Variants in GPR143 observed in about 807,000 individuals in gnomAD.
The protein encoded by GPR143 is G protein-coupled receptor 143, also known as G-protein coupled receptor 143.
A neutral mutation model predicts 27.6 loss-of-function variants in GPR143; 8 were observed. That is an observed-to-expected ratio of 0.29 (90% CI 0.17 to 0.52). GPR143 has a LOEUF of 0.52. GPR143 is among the 20% of genes least tolerant of loss of function. The probability of loss-of-function intolerance (pLI) is 0.96; values close to 1 mark genes in which losing one functional copy is unlikely to be tolerated. For synonymous variants in GPR143, 156 were observed against 153.2 expected, an observed-to-expected ratio of 1.02 and a Z score of -0.13; for missense variants, 303 against 343.1, an observed-to-expected ratio of 0.88 and a Z score of 0.92.
intron 1 of GPR143, among the ~76,000 whole-genome samples, chrX:9,762,314 T>G (rs1294831466): frequency 9.3e-6 from 1 of 107,253 alleles, no homozygotes; most frequent in Non-Finnish European, 1.9e-5. Context: ...CGCTTGAACC[T>G]GGGAGGTGGA....
chrX:9,776,301 T>G (rs1047786986), intron 1 of GPR143, among the ~76,000 whole-genome samples: 3 of 112,552 alleles, frequency 2.7e-5, no homozygotes, highest in Non-Finnish European at 5.6e-5. Context: ...CCTTTACCCC[T>G]AAGTCCTCGG....
At chrX:9,773,348 C>T (rs2083560662) in intron 1 of GPR143, among the ~76,000 whole-genome samples, 1 of 111,259 alleles carries the variant, frequency 9.0e-6, no homozygotes, top group Non-Finnish European at 1.9e-5. Context: ...TTTCCAACAT[C>T]CACAAAAGGA....
chrX:9,738,829 G>T (rs1002851402), intron 8 of GPR143, among the ~76,000 whole-genome samples: 2 of 111,878 alleles, frequency 1.8e-5, no homozygotes, highest in Admixed American at 1.9e-4. Flanking sequence ...CACCATGTTG[G>T]TCAGGCTGGT....
intron 3 of GPR143, among the ~76,000 whole-genome samples, chrX:9,749,373 T>C (rs1331119515): frequency 9.0e-6 from 1 of 111,062 alleles, no homozygotes; most frequent in Non-Finnish European, 1.9e-5. Flanking sequence ...CTCTTTCCTT[T>C]ATCAATTAGT....
chrX:9,764,504 GCACACACACACACA>G lies in GPR143; in HGVS notation c.250+1050_250+1063del, dbSNP rs201690882. On this transcript the variant is annotated intron_variant, in intron 1 of 8. Transcript: ENST00000467482. The stretch of plus-strand genomic sequence containing the variant: ...ACAATAGAAAAGAATTTACACACGC[GCACACACACACACA>G]CACACACACACACACACACACACAC... Among the ~76,000 whole-genome samples, 620 of 98,832 alleles carry G rather than the reference GCACACACACACACA, an allele frequency of 6.3e-3. 3 individuals carry two copies. The highest frequency in any genetic ancestry group is 0.016 in the African/African-American group (433 of 26,374). The allele number at this position is 98,832 out of a possible 115,157, so 85.8% of individuals were successfully genotyped here.
At chrX:9,756,281 C>A (rs776797701) in intron 3 of GPR143, among the ~76,000 whole-genome samples, 1 of 112,189 alleles carries the variant, frequency 8.9e-6, no homozygotes, top group South Asian at 3.7e-4. Flanking sequence ...TTTAAGCATT[C>A]AAACCATAAG....
At chrX:9,754,963 A>T (rs1171005661) in intron 3 of GPR143, among the ~76,000 whole-genome samples, 1 of 111,880 alleles carries the variant, frequency 8.9e-6, no homozygotes, top group Non-Finnish European at 1.9e-5. Flanking sequence ...CATGCCAATC[A>T]TGAGAGCTGC....
At position 9,765,802 on chromosome X, in the gene GPR143, G is replaced by T; in HGVS notation, c.16C>A (p.Leu6Ile). The T allele has an allele frequency of 8.9e-7, 1 of 1,117,780 alleles. No individual in the cohort carries two copies. Among genetic ancestry groups the T allele is most frequent in the Non-Finnish European group, 1.2e-6 (1 of 853,124 alleles). The allele number at this position is 1,117,780 out of a possible 1,213,427, so 92.1% of individuals were successfully genotyped here. ...CGCGTGGGGCAGCAGAAGGTCCCTA[G>T]GCGCGGGGAGGCCATGGGCTGTGTT... MASPRLGTFCCPTRDA... is the reference protein window; with the variant it reads MASPRIGTFCCPTRDA... The change falls in exon 1 of 9, where the codon CTA becomes ATA. Residue 6 changes from leucine (L) to isoleucine (I), a missense_variant. By Grantham distance (5) the Leu-to-Ile change is conservative. Coordinates refer to ENST00000467482, the MANE Select transcript of GPR143 (RefSeq NM_000273.3).
chrX:9,755,912 C>A (rs781286907), intron 3 of GPR143, among the ~76,000 whole-genome samples: 6 of 111,706 alleles, frequency 5.4e-5, no homozygotes, highest in Admixed American at 9.6e-5. Context: ...GACTATCTTC[C>A]CTGGAGAATT....
At chrX:9,752,029 C>T (rs2083453310) in intron 3 of GPR143, among the ~76,000 whole-genome samples, 1 of 112,559 alleles carries the variant, frequency 8.9e-6, no homozygotes, top group Admixed American at 9.4e-5. Context: ...TGAAGTCAGG[C>T]TCGTAGCTGT....
intron 8 of GPR143, among the ~76,000 whole-genome samples, chrX:9,729,082 G>A (rs1227399830): frequency 9.0e-6 from 1 of 111,003 alleles, no homozygotes; most frequent in Non-Finnish European, 1.9e-5. Context: ...GAGAGTCTGG[G>A]TAGCCGACAA....
chrX:9,741,504 C>G, intron 6 of GPR143, 49 bp from the exon 7 acceptor site: 1 of 619,430 alleles, frequency 1.6e-6, no homozygotes, highest in Non-Finnish European at 2.8e-6. Context: ...CAATGAAACT[C>G]GTTTTTAAAT....
At chrX:9,755,490 T>TAAA (rs34266967) in intron 3 of GPR143, among the ~76,000 whole-genome samples, 2 of 75,033 alleles carry the variant, frequency 2.7e-5, no homozygotes, top group Non-Finnish European at 2.7e-5. Flanking sequence ...AAACTCCATC[T>TAAA]AAAAAAAAAA....
chrX:9,776,710 T>C (rs1032080607), intron 1 of GPR143, among the ~76,000 whole-genome samples: 2 of 106,951 alleles, frequency 1.9e-5, no homozygotes, highest in Admixed American at 1.0e-4. Flanking sequence ...CATTACTTAA[T>C]TTTATTTTAT....
At chrX:9,778,133 C>T (rs758461543) in intron 1 of GPR143, among the ~76,000 whole-genome samples, 81 of 111,597 alleles carry the variant, frequency 7.3e-4, no homozygotes, top group African/African-American at 2.1e-3. Flanking sequence ...ATGAAGCAAG[C>T]GGCTTACAAG....
intron 8 of GPR143, 43 bp from the exon 9 acceptor site, chrX:9,725,883 G>C: frequency 8.6e-7 from 1 of 1,167,424 alleles, no homozygotes; most frequent in Non-Finnish European, 1.1e-6. Flanking sequence ...CTGTGTCCTA[G>C]CAGGTTTGTC....
Position 9,739,904 on chromosome X carries a change from T to C in GPR143, c.886-185A>G, listed in dbSNP as rs182953696. ...GGGTTGGTTTGGGGCAAGATGAAGA[T>C]TGGCCACAGTAGGTGCTGTACCTTC... On this transcript the variant is annotated intron_variant, in intron 7 of 8. Coordinates refer to ENST00000467482, the MANE Select transcript of GPR143 (RefSeq NM_000273.3). 7.0e-3 allele frequency among the ~76,000 whole-genome samples: 781 copies of C among 111,708 alleles called. 3 individuals carry two copies. The highest frequency in any genetic ancestry group is 0.024 in the African/African-American group (737 of 30,768).
chrX:9,730,839 G>A (rs747423108), intron 8 of GPR143, among the ~76,000 whole-genome samples: 3 of 111,860 alleles, frequency 2.7e-5, no homozygotes, highest in African/African-American at 9.8e-5. Context: ...TTCCAGAAAA[G>A]GGTCTGTCCC....
Position 9,739,506 on chromosome X carries a change from C to T in GPR143, c.1099G>A (p.Ala367Thr). 8.3e-7 allele frequency: 1 copy of T among 1,206,344 alleles called. No individual in the cohort carries two copies. Among genetic ancestry groups the T allele is most frequent in the Non-Finnish European group, 1.1e-6 (1 of 890,880 alleles). ...SQVGGQTSDE[A>T]LSMLSEGSDA... ...TTACCTTCAGACAGCATGCTCAGGG[C>T]TTCGTCAGAAGTCTGCCCACCCACT... Residue 367 changes from alanine (A) to threonine (T), a missense_variant, in exon 8 of 9, where the codon GCC becomes ACC. Physicochemically the swap from Ala to Thr is moderately conservative, Grantham distance 58. Transcript: ENST00000467482.
Sources: allele counts gnomAD v4.1 joint callset (sites outside exome capture counted in the v4.1 genomes callset), GRCh38; gene constraint gnomAD v4.1.1; transcripts MANE v1.5; gene names NCBI Gene and HGNC (gene_info 2026-07-23, HGNC 2026-07-21).